RBFOX1: variants seen among roughly 807,000 people sequenced by gnomAD.
RBFOX1 encodes the protein RNA binding fox-1 homolog 1.
RBFOX1 carries 8 observed loss-of-function variants against 57.7 expected under a neutral mutation model. That is an observed-to-expected ratio of 0.14 (90% CI 0.08 to 0.25). RBFOX1 has a LOEUF of 0.25. Among genes scored for constraint, RBFOX1 ranks in the 10% least tolerant of loss-of-function variants. RBFOX1 has a pLI of 1.00. For missense variants in RBFOX1, 611 were observed against 548.5 expected (o/e 1.11, Z -1.14); for synonymous variants, 326 against 222.4 (o/e 1.47, Z -4.15).
chr16:6,395,351 T>G (rs1470871406), intron 2 of RBFOX1, among the ~76,000 whole-genome samples: 5 of 152,208 alleles, frequency 3.3e-5, no homozygotes, highest in African/African-American at 9.6e-5. Context: ...CAAAGCCATG[T>G]TATACTTCTT....
chr16:6,621,005 G>T (rs1428500463), intron 2 of RBFOX1, among the ~76,000 whole-genome samples: 1 of 152,208 alleles, frequency 6.6e-6, no homozygotes, highest in Non-Finnish European at 1.5e-5. Flanking sequence ...TCCTACTAGA[G>T]GCTTGGAAGG....
intron 4 of RBFOX1, among the ~76,000 whole-genome samples, chr16:7,143,748 C>T (rs1750184409): frequency 6.6e-6 from 1 of 152,008 alleles, no homozygotes; most frequent in Non-Finnish European, 1.5e-5. Flanking sequence ...TTTATTGGTT[C>T]ATTTATACTA....
chr16:6,687,396 AC>A (rs2059596095), intron 3 of RBFOX1, among the ~76,000 whole-genome samples: 1 of 152,216 alleles, frequency 6.6e-6, no homozygotes, highest in African/African-American at 2.4e-5. Flanking sequence ...TATATAATTC[AC>A]CCATGTAACC....
At chr16:5,272,205 A>G (rs1348654425) in intron 1 of RBFOX1, among the ~76,000 whole-genome samples, 1 of 152,228 alleles carries the variant, frequency 6.6e-6, no homozygotes, top group African/African-American at 2.4e-5. Flanking sequence ...AAAATAACTA[A>G]GAGGGTACAT....
chr16:7,060,584 A>G (rs1386303291), intron 4 of RBFOX1, among the ~76,000 whole-genome samples: 1 of 152,192 alleles, frequency 6.6e-6, no homozygotes, highest in Non-Finnish European at 1.5e-5. Context: ...TGGAAACACA[A>G]AATAAAATTA....
At position 7,140,442 on chromosome 16, in the gene RBFOX1, C is replaced by T. The variant is rs2152100755; in HGVS notation, c.27+88344C>T. 5.3e-5 allele frequency among the ~76,000 whole-genome samples: 8 copies of T among 151,966 alleles called. No individual in the cohort carries two copies. The Middle Eastern group carries it at 0.017, about 328-fold the overall frequency. On this transcript the variant is annotated intron_variant, in intron 4 of 15. Coordinates refer to ENST00000550418, the MANE Select transcript of RBFOX1 (RefSeq NM_018723.4). ...TTCATGGCTATATTGTCTAACTTCCCAAATATGTAGTTTTGTAAGGAGAGA... is the reference window on the plus strand; with the variant it reads ...TTCATGGCTATATTGTCTAACTTCCTAAATATGTAGTTTTGTAAGGAGAGA...
At chr16:5,759,997 C>T (rs1004803306) in intron 3 of RBFOX1, among the ~76,000 whole-genome samples, 4 of 145,574 alleles carry the variant, frequency 2.7e-5, no homozygotes, top group Non-Finnish European at 6.1e-5. Context: ...TATAAATATC[C>T]CCACTGGGTT....
intron 1 of RBFOX1, among the ~76,000 whole-genome samples, chr16:6,256,126 AAT>A (rs1296527731): frequency 2.9e-4 from 23 of 80,416 alleles, no homozygotes; most frequent in African/African-American, 3.8e-4. Flanking sequence ...ATCTGTAACA[AAT>A]ATATATATAT....
chr16:5,422,920 GAGA>G (rs1426812866), intron 1 of RBFOX1, among the ~76,000 whole-genome samples: 1 of 127,026 alleles, frequency 7.9e-6, no homozygotes, highest in Non-Finnish European at 1.7e-5. Flanking sequence ...GAGGAGGAGG[GAGA>G]AGGAGGATGA....
At chr16:6,083,468 C>T (rs1034625745) in intron 1 of RBFOX1, among the ~76,000 whole-genome samples, 1 of 151,700 alleles carries the variant, frequency 6.6e-6, no homozygotes, top group African/African-American at 2.4e-5. Flanking sequence ...TCTCTTTGGT[C>T]CATTTTTGGT....
chr16:6,703,885 A>T (rs907196977), intron 3 of RBFOX1: 1 of 152,150 alleles, frequency 6.6e-6, no homozygotes, highest in African/African-American at 2.4e-5. Flanking sequence ...GTTACACCTG[A>T]GGCTACAGCA....
At chr16:7,559,831 T>C (rs2089876081) in intron 5 of RBFOX1, among the ~76,000 whole-genome samples, 1 of 152,136 alleles carries the variant, frequency 6.6e-6, no homozygotes, top group African/African-American at 2.4e-5. Context: ...AATTCACAAA[T>C]CCCCATTTTA....
chr16:5,243,653 A>G (rs1017734130), intron 1 of RBFOX1, among the ~76,000 whole-genome samples: 5 of 151,928 alleles, frequency 3.3e-5, no homozygotes, highest in African/African-American at 4.8e-5. Context: ...CATGAGCAAA[A>G]CCACCCCAGT....
chr16:6,980,917 C>T (rs942763213), intron 3 of RBFOX1, among the ~76,000 whole-genome samples: 1 of 151,588 alleles, frequency 6.6e-6, no homozygotes, highest in Non-Finnish European at 1.5e-5. Context: ...GTGGTGTGTG[C>T]TTGTAATCCC....
chr16:7,200,138 T>G (rs2087948218), intron 4 of RBFOX1, among the ~76,000 whole-genome samples: 3 of 152,228 alleles, frequency 2.0e-5, no homozygotes, highest in Admixed American at 2.0e-4. Context: ...GTTTGAATTG[T>G]TCTGGGCTAC....
intron 4 of RBFOX1, among the ~76,000 whole-genome samples, chr16:7,452,940 C>G (rs1215175677): frequency 6.6e-6 from 1 of 151,892 alleles, no homozygotes; most frequent in Non-Finnish European, 1.5e-5. Flanking sequence ...AACAGCCTGG[C>G]CAACATGGTG....
chr16:6,063,560 C>T (rs1041444003), intron 1 of RBFOX1, among the ~76,000 whole-genome samples: 1 of 151,752 alleles, frequency 6.6e-6, no homozygotes, highest in African/African-American at 2.4e-5. Flanking sequence ...GTTCTGTTAA[C>T]ACCCACCACC....
At chr16:6,481,188 C>A (rs1262135788) in intron 2 of RBFOX1, among the ~76,000 whole-genome samples, 2 of 152,272 alleles carry the variant, frequency 1.3e-5, no homozygotes, top group South Asian at 2.1e-4. Flanking sequence ...GGTTGCATCC[C>A]TTCCTGTTTT....
intron 1 of RBFOX1, among the ~76,000 whole-genome samples, chr16:5,409,875 C>G (rs1017912639): frequency 4.6e-5 from 7 of 151,734 alleles, no homozygotes; most frequent in Admixed American, 3.9e-4. Context: ...TGGTGAAACC[C>G]CGTCTCTACT....
Sources: allele counts gnomAD v4.1 joint callset (sites outside exome capture counted in the v4.1 genomes callset), GRCh38; gene constraint gnomAD v4.1.1; transcripts MANE v1.5; gene names NCBI Gene and HGNC (gene_info 2026-07-23, HGNC 2026-07-21).